Variants in LUZP2 observed in about 807,000 individuals in gnomAD.
LUZP2 encodes leucine zipper protein 2.
In LUZP2, 52 loss-of-function variants were observed where a neutral mutation model predicts 51.6. The observed-to-expected ratio is 1.01, with a 90% CI of 0.81 to 1.27. LUZP2 has a LOEUF of 1.27. LUZP2 is among the 50% of genes most tolerant of loss of function. The probability of loss-of-function intolerance (pLI) is 0.00; values close to 1 mark genes in which losing one functional copy is unlikely to be tolerated. For missense variants in LUZP2, 436 were observed against 395.4 expected, an observed-to-expected ratio of 1.10 and a Z score of -0.87; for synonymous variants, 154 against 137.3, an observed-to-expected ratio of 1.12 and a Z score of -0.85.
intron 5 of LUZP2, among the ~76,000 whole-genome samples, chr11:24,823,917 G>T (rs1285085772): frequency 6.6e-6 from 1 of 151,962 alleles, no homozygotes; most frequent in Non-Finnish European, 1.5e-5. Flanking sequence ...CAAAAAATTA[G>T]CCAGGTGTGG....
chr11:25,068,572 G>C (rs1164604895), intron 10 of LUZP2, among the ~76,000 whole-genome samples: 1 of 151,946 alleles, frequency 6.6e-6, no homozygotes, highest in Non-Finnish European at 1.5e-5. Context: ...TCTTTCGCTG[G>C]AGGAAGAGTC....
intron 5 of LUZP2, among the ~76,000 whole-genome samples, chr11:24,775,144 G>A (rs1848878297): frequency 6.6e-6 from 1 of 152,040 alleles, no homozygotes. Flanking sequence ...AAAGTGTAAT[G>A]TCTACTGAAG....
intron 1 of LUZP2, among the ~76,000 whole-genome samples, chr11:24,542,607 A>C (rs1221374644): frequency 1.3e-5 from 2 of 151,872 alleles, no homozygotes; most frequent in Admixed American, 6.6e-5. Context: ...TTTCATAATC[A>C]ATGAAACAAA....
intron 7 of LUZP2, among the ~76,000 whole-genome samples, chr11:24,946,342 T>G (rs907140336): frequency 1.3e-5 from 2 of 152,024 alleles, no homozygotes; most frequent in African/African-American, 4.8e-5. Flanking sequence ...TTGATGCAAT[T>G]ATTAATATAA....
chr11:24,777,125 G>T (rs1290591972), intron 5 of LUZP2, among the ~76,000 whole-genome samples: 1 of 151,636 alleles, frequency 6.6e-6, no homozygotes, highest in African/African-American at 2.4e-5. Flanking sequence ...CTCCTGAGTA[G>T]CTGGGACTAC....
intron 5 of LUZP2, among the ~76,000 whole-genome samples, chr11:24,826,196 T>A (rs1220821099): frequency 3.0e-5 from 4 of 132,520 alleles, no homozygotes; most frequent in South Asian, 2.4e-4. Context: ...AAAAAATATA[T>A]ATATATATAT....
chr11:24,897,424 G>A (rs1000255211), intron 5 of LUZP2, among the ~76,000 whole-genome samples: 8 of 152,166 alleles, frequency 5.3e-5, no homozygotes, highest in African/African-American at 1.9e-4. Context: ...CATTGCGAAG[G>A]TCCACAGCTT....
chr11:24,723,692 A>T (rs993991), intron 1 of LUZP2, among the ~76,000 whole-genome samples: 1 of 151,868 alleles, frequency 6.6e-6, no homozygotes, highest in East Asian at 1.9e-4. Context: ...AGCCCTGAGT[A>T]TGGTGATGTG....
intron 4 of LUZP2, among the ~76,000 whole-genome samples, chr11:24,740,865 T>C (rs1382808037): frequency 6.6e-6 from 1 of 152,046 alleles, no homozygotes. Context: ...TGTAACAGGT[T>C]ATTTGGTGGT....
intron 7 of LUZP2, among the ~76,000 whole-genome samples, chr11:24,958,809 T>C (rs1369291925): frequency 6.6e-6 from 1 of 152,216 alleles, no homozygotes; most frequent in Non-Finnish European, 1.5e-5. Context: ...TTTGGTGTTT[T>C]AGACATGAAG....
intron 1 of LUZP2, among the ~76,000 whole-genome samples, chr11:24,517,355 G>A (rs750253523): frequency 2.0e-5 from 3 of 151,368 alleles, no homozygotes; most frequent in South Asian, 2.1e-4. Context: ...GCGTGGTGGC[G>A]GGTTCCTGTA....
chr11:24,599,893 T>A (rs183203080), intron 1 of LUZP2, among the ~76,000 whole-genome samples: 1 of 152,126 alleles, frequency 6.6e-6, no homozygotes, highest in African/African-American at 2.4e-5. Flanking sequence ...GTTCTTTGCA[T>A]CTTATTTTCA....
At chr11:24,981,585 T>C (rs1856031977) in intron 8 of LUZP2, among the ~76,000 whole-genome samples, 1 of 151,828 alleles carries the variant, frequency 6.6e-6, no homozygotes, top group African/African-American at 2.4e-5. Context: ...GCCCAGCCTC[T>C]ATTCAAGATG....
intron 1 of LUZP2, among the ~76,000 whole-genome samples, chr11:24,720,018 T>C (rs929926885): frequency 6.6e-6 from 1 of 152,172 alleles, no homozygotes; most frequent in Non-Finnish European, 1.5e-5. Context: ...CACAGAATCA[T>C]TAAGTAAATA....
intron 1 of LUZP2, among the ~76,000 whole-genome samples, chr11:24,696,454 A>T (rs1400071218): frequency 6.6e-6 from 1 of 152,140 alleles, no homozygotes; most frequent in African/African-American, 2.4e-5. Context: ...GGGAGTTGCC[A>T]CAATTACCTA....
At chr11:24,643,315 G>T (rs539603362) in intron 1 of LUZP2, among the ~76,000 whole-genome samples, 2 of 151,394 alleles carry the variant, frequency 1.3e-5, no homozygotes, top group South Asian at 4.2e-4. Flanking sequence ...TGGGAGGTTG[G>T]GGGGTAGAGA....
intron 7 of LUZP2, among the ~76,000 whole-genome samples, chr11:24,972,290 A>G (rs1036248661): frequency 2.6e-5 from 4 of 152,056 alleles, no homozygotes; most frequent in African/African-American, 9.7e-5. Flanking sequence ...ATTTATGACA[A>G]GTAATATAAA....
At chr11:24,931,837 T>C (rs1197655839) in intron 7 of LUZP2, among the ~76,000 whole-genome samples, 1 of 152,148 alleles carries the variant, frequency 6.6e-6, no homozygotes, top group Non-Finnish European at 1.5e-5. Context: ...TGGAATTGTT[T>C]TCCTGTTTGT....
chr11:24,915,958 A>G (rs1158784384), intron 7 of LUZP2, among the ~76,000 whole-genome samples: 24 of 152,082 alleles, frequency 1.6e-4, no homozygotes, highest in Admixed American at 1.5e-3. Context: ...CCCTTAGGAT[A>G]TGTTCAATTT....
Sources: allele counts gnomAD v4.1 joint callset (sites outside exome capture counted in the v4.1 genomes callset), GRCh38; gene constraint gnomAD v4.1.1; transcripts MANE v1.5; gene names NCBI Gene and HGNC (gene_info 2026-07-23, HGNC 2026-07-21).